Variants in FBXW7 observed in about 807,000 individuals in gnomAD.
FBXW7 encodes the protein F-box/WD repeat-containing protein 7.
FBXW7 carries 11 observed loss-of-function variants against 86.3 expected under a neutral mutation model. The observed-to-expected ratio is 0.13, with a 90% confidence interval of 0.08 to 0.21. The LOEUF (loss-of-function observed/expected upper bound fraction) is 0.21, where lower values mean the gene tolerates loss of function less well. Ranked by LOEUF, FBXW7 falls within the 10% of genes least tolerant of loss-of-function variation. FBXW7 has a pLI of 1.00. For missense variants in FBXW7, 488 were observed against 847.4 expected (o/e 0.58, Z 5.27); for synonymous variants, 313 against 297.9 (o/e 1.05, Z -0.52).
chr4:152,397,192 C>A (rs74955366), intron 4 of FBXW7, among the ~76,000 whole-genome samples: 1 of 151,878 alleles, frequency 6.6e-6, no homozygotes, highest in East Asian at 1.9e-4. Flanking sequence ...CAGTAGTTAA[C>A]GAGAAATGTC....
At chr4:152,506,405 A>T (rs1405754908) in intron 2 of FBXW7, among the ~76,000 whole-genome samples, 1 of 152,234 alleles carries the variant, frequency 6.6e-6, no homozygotes, top group Non-Finnish European at 1.5e-5. Flanking sequence ...TGTTGGGATT[A>T]TAGGCGTGAG....
At chr4:152,340,448 G>A (rs547717020) in intron 6 of FBXW7, among the ~76,000 whole-genome samples, 129 of 151,558 alleles carry the variant, frequency 8.5e-4, no homozygotes, top group African/African-American at 2.9e-3. Context: ...GCATCGTGGC[G>A]GGCGCCTGTA....
At chr4:152,362,790 G>A (rs1193530851) in intron 4 of FBXW7, among the ~76,000 whole-genome samples, 1 of 131,336 alleles carries the variant, frequency 7.6e-6, no homozygotes, top group East Asian at 2.5e-4. Flanking sequence ...TTGCACCACT[G>A]TACTGCAGCC....
chr4:152,528,408 G>A (rs146118924), intron 2 of FBXW7, among the ~76,000 whole-genome samples: 2 of 152,278 alleles, frequency 1.3e-5, no homozygotes, highest in East Asian at 3.9e-4. Flanking sequence ...TTTCAACTAC[G>A]TGCATGGCAG....
chr4:152,532,058 C>G (rs1342203323), intron 2 of FBXW7, among the ~76,000 whole-genome samples: 1 of 152,190 alleles, frequency 6.6e-6, no homozygotes, highest in Non-Finnish European at 1.5e-5. Flanking sequence ...ACCCACTTTT[C>G]AGCTCTTCAC....
At chr4:152,384,111 A>G (rs1735324627) in intron 4 of FBXW7, among the ~76,000 whole-genome samples, 1 of 152,162 alleles carries the variant, frequency 6.6e-6, no homozygotes, top group South Asian at 2.1e-4. Context: ...CTGCTGTAGA[A>G]AATAGTATGG....
intron 2 of FBXW7, among the ~76,000 whole-genome samples, chr4:152,474,357 T>C (rs1744212752): frequency 6.6e-6 from 1 of 152,228 alleles, no homozygotes; most frequent in Non-Finnish European, 1.5e-5. Flanking sequence ...TCGTAAATTA[T>C]TTTCCTAAGA....
chr4:152,474,171 T>C (rs1043733177), intron 2 of FBXW7, among the ~76,000 whole-genome samples: 5 of 152,160 alleles, frequency 3.3e-5, no homozygotes, highest in African/African-American at 1.2e-4. Flanking sequence ...TCTAGTAACA[T>C]TAAAGATCTC....
Position 152,321,791 on chromosome 4 carries a change from C to A in FBXW7, c.*1090G>T, listed in dbSNP as rs1430566969. 6 of 232,720 alleles carry A rather than the reference C, an allele frequency of 2.6e-5. No homozygotes were observed. Among genetic ancestry groups the A allele is most frequent in the Non-Finnish European group, 5.1e-5 (6 of 117,504 alleles). The allele number at this position is 232,720 out of a possible 1,614,324, so 14.4% of individuals were successfully genotyped here. A position where few individuals can be genotyped will look rare whatever the true frequency, so the allele number is the denominator to read the frequency against. The stretch of plus-strand genomic sequence containing the variant: ...GCCCTCAAAAAGAAAAGTTTCTCCA[C>A]AGAACAGGCAAGTAATAGCTCTGTT... On this transcript the variant is annotated 3_prime_UTR_variant, in exon 14 of 14. Transcript: ENST00000281708.
At chr4:152,434,971 C>A (rs1051425385) in intron 2 of FBXW7, among the ~76,000 whole-genome samples, 4 of 134,010 alleles carry the variant, frequency 3.0e-5, no homozygotes, top group East Asian at 2.1e-4. Flanking sequence ...CCCCCCCCCA[C>A]ACACAAGCTC....
Position 152,496,764 on chromosome 4 carries a change from A to T in FBXW7, c.-120+38177T>A, listed in dbSNP as rs143436404. Among the ~76,000 whole-genome samples, 5 of 152,338 alleles carry T rather than the reference A, an allele frequency of 3.3e-5. No homozygotes were observed. In the East Asian group the frequency reaches 7.7e-4, roughly 23 times the overall value. ...ACAACTATCCCCACTGTAACCTGTAAATTCAATGAGATTCCAATCACATTT... is the reference window on the plus strand; with the variant it reads ...ACAACTATCCCCACTGTAACCTGTATATTCAATGAGATTCCAATCACATTT... On this transcript the variant is annotated intron_variant, in intron 2 of 13. Transcript: ENST00000281708.
intron 2 of FBXW7, among the ~76,000 whole-genome samples, chr4:152,512,469 T>C (rs1748066543): frequency 6.6e-6 from 1 of 152,214 alleles, no homozygotes; most frequent in Non-Finnish European, 1.5e-5. Flanking sequence ...AGAATGAATG[T>C]GATCTCAAAA....
At chr4:152,405,239 A>T (rs1223193029) in intron 4 of FBXW7, among the ~76,000 whole-genome samples, 1 of 152,184 alleles carries the variant, frequency 6.6e-6, no homozygotes, top group Non-Finnish European at 1.5e-5. Context: ...TTATATGTCA[A>T]CTTAAGACAA....
intron 2 of FBXW7, among the ~76,000 whole-genome samples, chr4:152,519,829 T>C (rs1409797360): frequency 4.6e-5 from 7 of 152,218 alleles, no homozygotes; most frequent in Non-Finnish European, 1.0e-4. Context: ...ATTAAAAGCA[T>C]AGACCATGGA....
intron 2 of FBXW7, among the ~76,000 whole-genome samples, chr4:152,457,159 A>G (rs528740610): frequency 7.9e-5 from 12 of 152,246 alleles, no homozygotes; most frequent in African/African-American, 1.7e-4. Context: ...TTCTACCTAC[A>G]TAACATTCAA....
At chr4:152,530,105 GTATATATATACGTGTACATA>G (rs1561006470) in intron 2 of FBXW7, among the ~76,000 whole-genome samples, 3 of 142,940 alleles carry the variant, frequency 2.1e-5, no homozygotes, top group South Asian at 2.2e-4. Context: ...ACACACACGT[GTATATATATACGTGTACATA>G]TATATATATA....
chr4:152,481,007 T>A (rs74954309), intron 2 of FBXW7, among the ~76,000 whole-genome samples: 1 of 152,296 alleles, frequency 6.6e-6, no homozygotes, highest in African/African-American at 2.4e-5. Context: ...AGATTTTCAA[T>A]TGAGATGAAA....
chr4:152,359,393 G>T (rs779246576), intron 4 of FBXW7, among the ~76,000 whole-genome samples: 1 of 152,010 alleles, frequency 6.6e-6, no homozygotes, highest in Non-Finnish European at 1.5e-5. Context: ...TTGAGGCTAC[G>T]AGTTCAAGAC....
intron 2 of FBXW7, among the ~76,000 whole-genome samples, chr4:152,494,835 A>G (rs1746174903): frequency 6.6e-6 from 1 of 152,208 alleles, no homozygotes; most frequent in African/African-American, 2.4e-5. Flanking sequence ...AATGCTTTAC[A>G]TTATTAACTT....
Sources: allele counts gnomAD v4.1 joint callset (sites outside exome capture counted in the v4.1 genomes callset), GRCh38; gene constraint gnomAD v4.1.1; transcripts MANE v1.5; gene names NCBI Gene and HGNC (gene_info 2026-07-23, HGNC 2026-07-21).